The following PCBP3 variants were observed in gnomAD, a reference collection of about 807,000 sequenced individuals.
The protein encoded by PCBP3 is poly(rC)-binding protein 3.
A neutral mutation model predicts 52.7 loss-of-function variants in PCBP3; 25 were observed. The observed-to-expected ratio is 0.47, with a 90% CI of 0.35 to 0.66. The LOEUF (loss-of-function observed/expected upper bound fraction) is 0.66. Ranked by LOEUF, PCBP3 falls within the 30% of genes least tolerant of loss-of-function variation. The probability of loss-of-function intolerance (pLI) is 0.01; values close to 1 mark genes in which losing one functional copy is unlikely to be tolerated. For missense variants in PCBP3, 391 were observed against 490.3 expected, an observed-to-expected ratio of 0.80 and a Z score of 1.91; for synonymous variants, 162 against 183.0, an observed-to-expected ratio of 0.89 and a Z score of 0.93.
chr21:45,810,427 T>A lies in PCBP3; in HGVS notation c.-125-39534T>A, dbSNP rs944170142. ...AGTACAGTACACCATCATGCCTGGC[T>A]AATTTTTTTTTTTTTTAATAGAGAT... On this transcript the variant is annotated intron_variant, in intron 4 of 17. Coordinates refer to ENST00000681687, the MANE Select transcript of PCBP3 (RefSeq NM_001384156.1). Among the ~76,000 whole-genome samples the A allele has an allele frequency of 1.9e-4, 28 of 145,272 alleles. 1 individual carries two copies. The Middle Eastern group carries it at 0.015, about 79-fold the overall frequency.
intron 5 of PCBP3, 78 bp downstream of exon 5, chr21:45,850,173 A>C: frequency 1.7e-6 from 2 of 1,205,810 alleles, no homozygotes; most frequent in Non-Finnish European, 2.4e-6. Context: ...ACCCTTGACA[A>C]ATGAAATCTG....
intron 1 of PCBP3, among the ~76,000 whole-genome samples, chr21:45,644,838 A>C (rs925119142): frequency 6.6e-6 from 1 of 152,232 alleles, no homozygotes; most frequent in Non-Finnish European, 1.5e-5. Flanking sequence ...TTCCTCTGGC[A>C]CAGGCCCTCA....
In PCBP3 at chr21:45,707,382, G is replaced by A. The variant is rs2083519471; in HGVS notation, c.-199-28010G>A. Among the ~76,000 whole-genome samples the A allele has an allele frequency of 2.0e-5, 3 of 152,058 alleles. No individual in the cohort carries two copies. The South Asian group carries it at 6.2e-4, about 32-fold the overall frequency. ...AATACAAAAATTGTCTGGGCGTGAT[G>A]GTGGGAGCCTGTAATCCCAGCTACT... On this transcript the variant is annotated intron_variant, in intron 2 of 17. Transcript: ENST00000681687.
rs112049657 is a variant in PCBP3, at chr21:45,821,488, C to T, written c.-125-28473C>T. Among the ~76,000 whole-genome samples, 1 of 151,110 alleles carries T rather than the reference C, an allele frequency of 6.6e-6. No homozygotes were observed. Among genetic ancestry groups the T allele is most frequent in the Non-Finnish European group, 1.5e-5 (1 of 67,784 alleles). On this transcript the variant is annotated intron_variant, in intron 4 of 17. Transcript: ENST00000681687. This position sits in a 1 kb window ranked among gnomAD's most constrained non-coding sequence, Gnocchi z 4.4. ...TTTCTAGAACACTCTTCCCCCTGCA[C>T]CACGCTGTGGGCCCTGTGCCTTCCC...
intron 4 of PCBP3, chr21:45,836,190 GA>G (rs1395452438): frequency 6.6e-6 from 1 of 152,102 alleles, no homozygotes; most frequent in Non-Finnish European, 1.5e-5. Flanking sequence ...CAAACAGAAG[GA>G]ACCTTGGACC....
chr21:45,889,985 A>AT (rs1164452837), intron 5 of PCBP3, among the ~76,000 whole-genome samples: 1 of 152,232 alleles, frequency 6.6e-6, no homozygotes, highest in Non-Finnish European at 1.5e-5. Flanking sequence ...CAATGACCCC[A>AT]TTCCTCCAGT....
rs556904883 is a variant in PCBP3, at chr21:45,850,066, C to G, written c.-20C>G. On this transcript the variant is annotated 5_prime_UTR_variant, in exon 5 of 18. Coordinates refer to ENST00000681687, the MANE Select transcript of PCBP3 (RefSeq NM_001384156.1). Reference sequence around the variant, plus strand: ...AACCTTTGCTGTCTATGGATCTGCTCTAAACCTTATAGCCTGCTTATGGGG... The same window carrying G: ...AACCTTTGCTGTCTATGGATCTGCTGTAAACCTTATAGCCTGCTTATGGGG... 24 of 1,549,024 alleles carry G rather than the reference C, an allele frequency of 1.5e-5. No individual in the cohort carries two copies. The highest frequency in any genetic ancestry group is 2.6e-6 in the Non-Finnish European group (3 of 1,144,674).
At chr21:45,679,100 T>A (rs1176846902) in intron 2 of PCBP3, among the ~76,000 whole-genome samples, 3 of 131,204 alleles carry the variant, frequency 2.3e-5, no homozygotes, top group Admixed American at 7.8e-5. Context: ...TTTTTTTTTT[T>A]AGCAATAAAC....
chr21:45,864,991 C>A (rs2094656043), intron 5 of PCBP3, among the ~76,000 whole-genome samples: 1 of 152,200 alleles, frequency 6.6e-6, no homozygotes, highest in Non-Finnish European at 1.5e-5. Flanking sequence ...CAACTACAGC[C>A]TTCAAATGAA....
chr21:45,796,708 A>T (rs897093382), intron 4 of PCBP3, among the ~76,000 whole-genome samples: 1 of 152,180 alleles, frequency 6.6e-6, no homozygotes, highest in Non-Finnish European at 1.5e-5. Flanking sequence ...GCAATTAACA[A>T]ATACTTGATT....
At chr21:45,783,609 C>G (rs183901566) in intron 4 of PCBP3, among the ~76,000 whole-genome samples, 1 of 152,196 alleles carries the variant, frequency 6.6e-6, no homozygotes, top group East Asian at 1.9e-4. Flanking sequence ...AGGGTGAGGA[C>G]GGGATTTTAA....
At chr21:45,660,855 A>G (rs1316814848) in intron 1 of PCBP3, among the ~76,000 whole-genome samples, 2 of 152,186 alleles carry the variant, frequency 1.3e-5, no homozygotes, top group Non-Finnish European at 1.5e-5. Flanking sequence ...CCTGGCCAAC[A>G]TGGTGAAACC....
At chr21:45,806,797 G>A (rs2092519026) in intron 4 of PCBP3, among the ~76,000 whole-genome samples, 1 of 151,890 alleles carries the variant, frequency 6.6e-6, no homozygotes, top group African/African-American at 2.4e-5. Flanking sequence ...TCCACTTCTG[G>A]TCCCCTCACC....
chr21:45,744,840 A>G (rs1312308308), intron 3 of PCBP3, among the ~76,000 whole-genome samples: 2 of 152,046 alleles, frequency 1.3e-5, no homozygotes, highest in Non-Finnish European at 2.9e-5. Context: ...TTATTATTTA[A>G]TTTAAAAGAT....
intron 3 of PCBP3, among the ~76,000 whole-genome samples, chr21:45,743,463 A>G (rs990270261): frequency 3.9e-5 from 6 of 152,144 alleles, no homozygotes; most frequent in African/African-American, 1.4e-4. Flanking sequence ...GTTCATTGCT[A>G]CTATTTAGGT....
intron 5 of PCBP3, among the ~76,000 whole-genome samples, chr21:45,855,837 C>T (rs77576053): frequency 0.018 from 2,776 of 152,314 alleles, 36 homozygotes; most frequent in Middle Eastern, 0.1. Context: ...GGAAGTTGCT[C>T]GGCTTGGAGA....
At position 45,904,567 on chromosome 21, in the gene PCBP3, A is replaced by C. The variant is rs2096150753; in HGVS notation, c.339+3454A>C. ...GAGTTCTGTTATAATGGTTTGTGTA[A>C]AATGTATTTCTCAATCACTTCATGT... On this transcript the variant is annotated intron_variant, in intron 9 of 17. Coordinates refer to ENST00000681687, the MANE Select transcript of PCBP3 (RefSeq NM_001384156.1). This position sits in a 1 kb window ranked among gnomAD's most constrained non-coding sequence, Gnocchi z 4.8. Among the ~76,000 whole-genome samples the C allele has an allele frequency of 6.6e-6, 1 of 152,212 alleles. No individual in the cohort carries two copies. The highest frequency in any genetic ancestry group is 2.4e-5 in the African/African-American group (1 of 41,440).
chr21:45,725,016 G>A (rs538442627), intron 2 of PCBP3, among the ~76,000 whole-genome samples: 3 of 152,200 alleles, frequency 2.0e-5, no homozygotes, highest in Non-Finnish European at 4.4e-5. Context: ...ATCTGCAGAA[G>A]GTGTAACATT....
At chr21:45,739,367 T>C (rs2086204938) in intron 3 of PCBP3, among the ~76,000 whole-genome samples, 1 of 115,466 alleles carries the variant, frequency 8.7e-6, no homozygotes. Context: ...CTGTCCACGG[T>C]CCTCTGGGTA....
Sources: allele counts gnomAD v4.1 joint callset (sites outside exome capture counted in the v4.1 genomes callset), GRCh38; gene constraint gnomAD v4.1.1; non-coding constraint Gnocchi (gnomAD v3.1); transcripts MANE v1.5; gene names NCBI Gene and HGNC (gene_info 2026-07-23, HGNC 2026-07-21).